CCDC149: variants seen among roughly 807,000 people sequenced by gnomAD.
CCDC149 encodes coiled-coil domain containing 149, also known as coiled-coil domain-containing protein 149.
CCDC149 carries 45 observed loss-of-function variants against 59.9 expected under a neutral mutation model. The ratio of observed to expected loss-of-function variants is 0.75; its 90% CI spans 0.59 to 0.96. The LOEUF (loss-of-function observed/expected upper bound fraction) is 0.96, where lower values mean the gene tolerates loss of function less well. CCDC149 is among the 40% of genes least tolerant of loss of function. The pLI is 0.00. For missense variants in CCDC149, 584 were observed against 664.7 expected, an observed-to-expected ratio of 0.88 and a Z score of 1.33; for synonymous variants, 245 against 260.6, an observed-to-expected ratio of 0.94 and a Z score of 0.58.
intron 3 of CCDC149, among the ~76,000 whole-genome samples, chr4:24,865,664 C>T (rs995183319): frequency 9.8e-5 from 15 of 152,292 alleles, no homozygotes; most frequent in African/African-American, 2.6e-4. Context: ...CAGGCAAATG[C>T]TTTTGAATAG....
chr4:24,912,099 C>G (rs963999043), intron 1 of CCDC149, among the ~76,000 whole-genome samples: 1 of 152,180 alleles, frequency 6.6e-6, no homozygotes, highest in African/African-American at 2.4e-5. Context: ...GGCAGGCCGG[C>G]AAACTCTTAG....
chr4:24,975,521 T>C (rs899533524), intron 1 of CCDC149, among the ~76,000 whole-genome samples: 2 of 107,980 alleles, frequency 1.9e-5, no homozygotes, highest in African/African-American at 7.3e-5. Context: ...GAAGGAAAAG[T>C]AGGATAGGGA....
intron 1 of CCDC149, among the ~76,000 whole-genome samples, chr4:24,974,588 C>T (rs1293058633): frequency 1.3e-5 from 2 of 152,168 alleles, no homozygotes; most frequent in African/African-American, 2.4e-5. Context: ...ATATGGCTTT[C>T]TTTTTTCCTT....
At chr4:24,823,870 C>A (rs1715561630) in intron 9 of CCDC149, among the ~76,000 whole-genome samples, 2 of 152,136 alleles carry the variant, frequency 1.3e-5, no homozygotes, top group East Asian at 1.9e-4. Context: ...AATTACTTTC[C>A]ATTTTCATTC....
chr4:24,935,697 A>G (rs1393223623), intron 1 of CCDC149, among the ~76,000 whole-genome samples: 1 of 152,198 alleles, frequency 6.6e-6, no homozygotes. Context: ...TCCAGTCCCC[A>G]GAACTGTGAG....
chr4:24,885,547 G>A (rs1302709833), intron 1 of CCDC149, among the ~76,000 whole-genome samples: 5 of 152,222 alleles, frequency 3.3e-5, no homozygotes, highest in Admixed American at 1.3e-4. Context: ...AGCCTCCGCC[G>A]TGACGGCTGG....
upstream of CCDC149, among the ~76,000 whole-genome samples, chr4:24,913,507 G>T (rs4463058): frequency 0.079 from 12,077 of 152,300 alleles, 557 homozygotes; most frequent in Middle Eastern, 0.11. Flanking sequence ...AACTATTAGT[G>T]CTTGCTTATA....
At chr4:24,891,982 G>C (rs993803769) in intron 1 of CCDC149, among the ~76,000 whole-genome samples, 4 of 152,170 alleles carry the variant, frequency 2.6e-5, no homozygotes, top group African/African-American at 7.2e-5. Context: ...CTGGGGGAGA[G>C]AGTGAGACCC....
Position 24,808,806 on chromosome 4 carries a change from C to T in CCDC149, c.1206G>A (p.Lys402=), listed in dbSNP as rs1033697414. Residue 402 remains lysine (K), a synonymous_variant, in exon 13 of 13, where the codon AAG becomes AAA. Coordinates refer to ENST00000635206, the MANE Select transcript of CCDC149 (RefSeq NM_001330643.2). ...CGGCACAACTTTCATCTTCTTCTTG[C>T]TTCTGAGCCTCCCCTGAAAACAGAA... is the stretch of plus-strand genomic sequence containing the variant. 3.9e-6 allele frequency: 6 copies of T among 1,548,176 alleles called. No homozygotes were observed. In the African/African-American group the frequency reaches 6.9e-5, roughly 18 times the overall value.
chr4:24,890,565 T>G (rs188359115), intron 1 of CCDC149, among the ~76,000 whole-genome samples: 4 of 152,324 alleles, frequency 2.6e-5, no homozygotes, highest in African/African-American at 7.2e-5. Flanking sequence ...GTCTGTCCCA[T>G]TTGAAGACAG....
At chr4:24,838,132 C>T in intron 5 of CCDC149, 24 bp downstream of exon 5, 1 of 1,554,358 alleles carries the variant, frequency 6.4e-7, no homozygotes, top group Non-Finnish European at 8.9e-7. Context: ...GCATCCCCCA[C>T]TCTGAATAGA....
chr4:24,980,174 T>C (rs780320984), upstream of CCDC149: 10 of 152,178 alleles, frequency 6.6e-5, no homozygotes, highest in Non-Finnish European at 1.5e-4. Context: ...CCCCCTTCTC[T>C]AGTACGCAAT....
chr4:24,894,682 A>G (rs1720738458), intron 1 of CCDC149, among the ~76,000 whole-genome samples: 1 of 151,792 alleles, frequency 6.6e-6, no homozygotes, highest in East Asian at 2.0e-4. Flanking sequence ...ACCAGAGCAA[A>G]AGTATGTTCG....
intron 1 of CCDC149, among the ~76,000 whole-genome samples, chr4:24,966,689 A>G (rs945341435): frequency 6.6e-6 from 1 of 152,248 alleles, no homozygotes; most frequent in Non-Finnish European, 1.5e-5. Flanking sequence ...TTGTGGAGAC[A>G]GTTGTCTCTG....
intron 1 of CCDC149, among the ~76,000 whole-genome samples, chr4:24,912,375 G>A (rs1721925189): frequency 6.6e-6 from 1 of 152,090 alleles, no homozygotes; most frequent in South Asian, 2.1e-4. Flanking sequence ...TCGAACCACC[G>A]CCGCAGGTAA....
At chr4:24,911,064 G>A (rs892087513) in intron 1 of CCDC149, among the ~76,000 whole-genome samples, 1 of 152,124 alleles carries the variant, frequency 6.6e-6, no homozygotes, top group African/African-American at 2.4e-5. Context: ...AACTCCTGAA[G>A]GACCTACTTC....
chr4:24,962,795 A>G (rs1242409555), intron 1 of CCDC149, among the ~76,000 whole-genome samples: 1 of 152,138 alleles, frequency 6.6e-6, no homozygotes, highest in Admixed American at 6.5e-5. Context: ...GTGACGAGTT[A>G]GTGGGTGCAG....
At position 24,834,931 on chromosome 4, in the gene CCDC149, G is replaced by A. The variant is rs1342964040; in HGVS notation, c.820+17C>T. Reference sequence around the variant, plus strand: ...TTTACGCTCATGAGCGGTCTCTCCTGGAGCATGATATCCTACCTTGCTTTG... The same window carrying A: ...TTTACGCTCATGAGCGGTCTCTCCTAGAGCATGATATCCTACCTTGCTTTG... On this transcript the variant is annotated intron_variant, in intron 8 of 12. Transcript: ENST00000635206. The A allele has an allele frequency of 6.3e-7, 1 of 1,584,114 alleles. No homozygotes were observed. The highest frequency in any genetic ancestry group is 1.7e-5 in the Admixed American group (1 of 59,932).
chr4:24,812,522 C>T (rs1024358912), intron 12 of CCDC149, among the ~76,000 whole-genome samples: 12 of 152,182 alleles, frequency 7.9e-5, no homozygotes, highest in Non-Finnish European at 1.8e-4. Context: ...AGACAGTTTT[C>T]CCCCATAGAG....
Sources: allele counts gnomAD v4.1 joint callset (sites outside exome capture counted in the v4.1 genomes callset), GRCh38; gene constraint gnomAD v4.1.1; transcripts MANE v1.5; gene names NCBI Gene and HGNC (gene_info 2026-07-23, HGNC 2026-07-21).